LYPD6: variants seen among roughly 807,000 people sequenced by gnomAD.
LYPD6 encodes the protein ly6/PLAUR domain-containing protein 6.
In LYPD6, 15 loss-of-function variants were observed where a neutral mutation model predicts 22.7. That is an observed-to-expected ratio of 0.66 (90% confidence interval 0.44 to 1.02). The LOEUF is 1.02. LYPD6 is among the 50% of genes least tolerant of loss of function. The probability of loss-of-function intolerance (pLI) is 0.00; values close to 1 mark genes in which losing one functional copy is unlikely to be tolerated. For synonymous variants in LYPD6, 72 were observed against 77.5 expected (o/e 0.93, Z 0.37); for missense variants, 189 against 208.4 (o/e 0.91, Z 0.57).
intron 1 of LYPD6, chr2:149,368,110 G>A (rs1416565805): frequency 6.6e-6 from 1 of 152,174 alleles, no homozygotes; most frequent in Non-Finnish European, 1.5e-5. Flanking sequence ...TTATGCAAAA[G>A]CTACTGTGTG....
rs1681397615 is a variant in LYPD6, at chr2:149,473,770, G to A, written c.*2920G>A. 6.6e-6 allele frequency: 1 copy of A among 152,176 alleles called. No homozygotes were observed. Among genetic ancestry groups the A allele is most frequent in the African/African-American group, 2.4e-5 (1 of 41,444 alleles). The allele number at this position is 152,176 out of a possible 1,614,324, so 9.4% of individuals were successfully genotyped here. On this transcript the variant is annotated 3_prime_UTR_variant, in exon 5 of 5. Coordinates refer to ENST00000334166, the MANE Select transcript of LYPD6 (RefSeq NM_194317.5). ...TGTGTAGACAAGAATACATGCATGA[G>A]AAGATACAAGACAATTCACCCATGC...
intron 3 of LYPD6, among the ~76,000 whole-genome samples, chr2:149,458,740 A>G (rs997515291): frequency 6.6e-6 from 1 of 152,228 alleles, no homozygotes; most frequent in Admixed American, 6.5e-5. Context: ...AGAAAATATA[A>G]AGGAGAACCA....
chr2:149,376,891 T>C (rs1681934058), intron 1 of LYPD6, among the ~76,000 whole-genome samples: 1 of 152,256 alleles, frequency 6.6e-6, no homozygotes, highest in Non-Finnish European at 1.5e-5. Context: ...TAATTAAATA[T>C]GGAGCAATCC....
intron 3 of LYPD6, among the ~76,000 whole-genome samples, chr2:149,456,951 G>A (rs1047281761): frequency 2.6e-5 from 4 of 152,110 alleles, no homozygotes; most frequent in African/African-American, 4.8e-5. Flanking sequence ...CATCCATTTC[G>A]TTAGATTTAG....
At chr2:149,351,392 TAAAAAAAA>T (rs71397025) in intron 1 of LYPD6, among the ~76,000 whole-genome samples, 4 of 83,116 alleles carry the variant, frequency 4.8e-5, no homozygotes, top group East Asian at 4.1e-4. Context: ...AGACTCCATC[TAAAAAAAA>T]AAAAAAAAAA....
chr2:149,457,871 CACAGT>C (rs997425800), intron 3 of LYPD6, among the ~76,000 whole-genome samples: 3 of 152,202 alleles, frequency 2.0e-5, no homozygotes, highest in African/African-American at 7.2e-5. Flanking sequence ...CAAGGAACAA[CACAGT>C]GCTGAGTTCA....
chr2:149,334,153 T>C (rs1430181086), intron 1 of LYPD6, among the ~76,000 whole-genome samples: 1 of 151,840 alleles, frequency 6.6e-6, no homozygotes, highest in Non-Finnish European at 1.5e-5. Flanking sequence ...ATACATGTAA[T>C]GAAAAAGGAA....
rs535678962 is a variant in LYPD6, at chr2:149,374,107, T to C, written c.-72+43385T>C. On this transcript the variant is annotated intron_variant, in intron 1 of 4. Transcript: ENST00000334166. The stretch of plus-strand genomic sequence containing the variant: ...TTGTCTAGCTGATCCTGAGGCTAAG[T>C]ATCCTTGGAGGCTAAATGGCCAGCA... Among the ~76,000 whole-genome samples, 3 of 152,344 alleles carry C rather than the reference T, an allele frequency of 2.0e-5. No individual in the cohort carries two copies. The South Asian group carries it at 6.2e-4, about 32-fold the overall frequency.
At chr2:149,405,641 T>C (rs1232105077) in intron 1 of LYPD6, among the ~76,000 whole-genome samples, 2 of 152,224 alleles carry the variant, frequency 1.3e-5, no homozygotes, top group African/African-American at 4.8e-5. Flanking sequence ...TTTATTAGTC[T>C]TGCTAGTGGT....
intron 1 of LYPD6, among the ~76,000 whole-genome samples, chr2:149,415,500 A>G (rs894756924): frequency 1.3e-5 from 2 of 152,150 alleles, no homozygotes; most frequent in Admixed American, 1.3e-4. Context: ...TGCTGAGAGC[A>G]ACTGACCGGG....
At chr2:149,434,622 TGAC>T (rs955724490) in intron 1 of LYPD6, among the ~76,000 whole-genome samples, 8 of 152,136 alleles carry the variant, frequency 5.3e-5, no homozygotes, top group African/African-American at 2.4e-5. Flanking sequence ...AAGGATGAGT[TGAC>T]GAAGAAAGGG....
intron 3 of LYPD6, among the ~76,000 whole-genome samples, chr2:149,449,802 CTATT>C (rs1683768618): frequency 6.6e-6 from 1 of 152,096 alleles, no homozygotes; most frequent in Non-Finnish European, 1.5e-5. Context: ...GGAGGAAAGT[CTATT>C]TATTTGGTGG....
intron 4 of LYPD6, among the ~76,000 whole-genome samples, chr2:149,470,110 G>T (rs1014194502): frequency 1.3e-5 from 2 of 152,186 alleles, no homozygotes; most frequent in African/African-American, 4.8e-5. Flanking sequence ...AACTCTGTGG[G>T]TTTATTTCTT....
At chr2:149,457,038 C>A (rs1680973492) in intron 3 of LYPD6, among the ~76,000 whole-genome samples, 3 of 152,152 alleles carry the variant, frequency 2.0e-5, no homozygotes, top group African/African-American at 7.2e-5. Context: ...GACATTTTTA[C>A]AGCGTGTTTG....
chr2:149,399,060 C>G (rs936397464), intron 1 of LYPD6, among the ~76,000 whole-genome samples: 1 of 151,142 alleles, frequency 6.6e-6, no homozygotes, highest in Non-Finnish European at 1.5e-5. Flanking sequence ...TGTATATATG[C>G]AGTTATGTAG....
Position 149,463,248 on chromosome 2 carries a change from A to G in LYPD6, c.218-5397A>G, listed in dbSNP as rs1681125838. On this transcript the variant is annotated intron_variant, in intron 3 of 4. Transcript: ENST00000334166. ...AAAATATGAATAGACATTTCACCAAAGAAGATAACCAGATGGCAAATAAAC... is the reference window on the plus strand; with the variant it reads ...AAAATATGAATAGACATTTCACCAAGGAAGATAACCAGATGGCAAATAAAC... Among the ~76,000 whole-genome samples the G allele has an allele frequency of 2.6e-5, 4 of 152,284 alleles. 1 individual carries two copies. The South Asian group carries it at 8.3e-4, about 32-fold the overall frequency.
At chr2:149,447,901 C>T (rs141886749) in intron 2 of LYPD6, among the ~76,000 whole-genome samples, 6 of 152,128 alleles carry the variant, frequency 3.9e-5, no homozygotes, top group East Asian at 1.9e-4. Context: ...TTTGGGAGGC[C>T]GAGGCTGGAA....
chr2:149,407,188 G>C (rs2105117167), intron 1 of LYPD6, among the ~76,000 whole-genome samples: 1 of 152,214 alleles, frequency 6.6e-6, no homozygotes, highest in Middle Eastern at 3.4e-3. Flanking sequence ...TTTCAGCTTT[G>C]GTGAATCTGA....
At chr2:149,345,305 A>C (rs1358343144) in intron 1 of LYPD6, among the ~76,000 whole-genome samples, 1 of 89,320 alleles carries the variant, frequency 1.1e-5, no homozygotes, top group African/African-American at 5.7e-5. Flanking sequence ...CCTTAATTTA[A>C]ATTTTTTTTT....
Sources: gnomAD v4.1 joint callset for allele counts (sites outside exome capture counted in the v4.1 genomes callset) on GRCh38, gnomAD v4.1.1 for gene constraint, MANE v1.5 for transcripts, NCBI Gene and HGNC (gene_info 2026-07-23, HGNC 2026-07-21) for gene names.